PFKFB4: variants seen among roughly 807,000 people sequenced by gnomAD.
PFKFB4 encodes 6-phosphofructo-2-kinase/fructose-2,6-biphosphatase 4, also known as 6-phosphofructo-2-kinase/fructose-2,6-bisphosphatase 4.
PFKFB4 carries 42 observed loss-of-function variants against 62.8 expected under a neutral mutation model. That is an observed-to-expected ratio of 0.67 (90% CI 0.52 to 0.86). The LOEUF is 0.86. Among genes scored for constraint, PFKFB4 ranks in the 40% least tolerant of loss-of-function variants. The pLI, the probability that PFKFB4 is intolerant of heterozygous loss-of-function variation, is 0.00. For missense variants in PFKFB4, 475 were observed against 627.2 expected, an observed-to-expected ratio of 0.76 and a Z score of 2.59; for synonymous variants, 204 against 240.7, an observed-to-expected ratio of 0.85 and a Z score of 1.41.
intron 9 of PFKFB4, among the ~76,000 whole-genome samples, chr3:48,526,425 T>C (rs1012030572): frequency 6.7e-6 from 1 of 150,080 alleles, no homozygotes. Flanking sequence ...ATACAAAAAT[T>C]AGTTGGGCGT....
intron 9 of PFKFB4, among the ~76,000 whole-genome samples, chr3:48,531,653 T>C (rs1006860944): frequency 1.3e-5 from 2 of 150,062 alleles, no homozygotes; most frequent in African/African-American, 4.9e-5. Context: ...TTTAGCTGGG[T>C]ATGGTGATGT....
At chr3:48,558,388 G>A (rs1294643784), upstream of PFKFB4, among the ~76,000 whole-genome samples, 4 of 152,192 alleles carry the variant, frequency 2.6e-5, no homozygotes, top group Admixed American at 2.6e-4. Flanking sequence ...GCATCCTCAG[G>A]TTCTCTCTGC....
intron 9 of PFKFB4, among the ~76,000 whole-genome samples, chr3:48,526,451 T>C (rs1031901433): frequency 6.6e-6 from 1 of 151,082 alleles, no homozygotes; most frequent in African/African-American, 2.4e-5. Context: ...CGCACGCCTG[T>C]AGTCCCAGCT....
chr3:48,533,824 A>G (rs1422780826), intron 9 of PFKFB4, among the ~76,000 whole-genome samples: 1 of 152,220 alleles, frequency 6.6e-6, no homozygotes, highest in African/African-American at 2.4e-5. Context: ...ATTGCACTCC[A>G]GCCTGGACAA....
chr3:48,544,441 C>CTTT (rs34817026), intron 3 of PFKFB4, among the ~76,000 whole-genome samples: 88 of 100,390 alleles, frequency 8.8e-4, no homozygotes, highest in Non-Finnish European at 1.1e-3. Flanking sequence ...GTTTTCAGAT[C>CTTT]TTTTTTTTTT....
At chr3:48,551,662 A>G (rs895314852) in intron 1 of PFKFB4, among the ~76,000 whole-genome samples, 3 of 147,194 alleles carry the variant, frequency 2.0e-5, no homozygotes, top group African/African-American at 7.6e-5. Flanking sequence ...CTCGTGCCTC[A>G]GCCTCTCAAG....
chr3:48,550,315 G>C, intron 1 of PFKFB4, 81 bp from the exon 2 acceptor site: 1 of 888,674 alleles, frequency 1.1e-6, no homozygotes, highest in Non-Finnish European at 1.9e-6. Flanking sequence ...TGGTCTCTCA[G>C]CCTCAGGGCA....
At chr3:48,557,386 C>T (rs1051196593), upstream of PFKFB4, among the ~76,000 whole-genome samples, 1 of 152,246 alleles carries the variant, frequency 6.6e-6, no homozygotes, top group African/African-American at 2.4e-5. Context: ...TCGGGGTCCC[C>T]CTTGACTGCT....
chr3:48,552,206 G>C (rs980315454), intron 1 of PFKFB4, among the ~76,000 whole-genome samples: 1 of 152,250 alleles, frequency 6.6e-6, no homozygotes, highest in East Asian at 1.9e-4. Flanking sequence ...TGCTATCCAA[G>C]AGCCTGGGCA....
chr3:48,556,179 T>C lies in PFKFB4; in HGVS notation c.97+502A>G. 1 of 458,128 alleles carries C rather than the reference T, an allele frequency of 2.2e-6. No individual in the cohort carries two copies. The highest frequency in any genetic ancestry group is 4.4e-6 in the Non-Finnish European group (1 of 227,978). The allele number at this position is 458,128 out of a possible 1,614,324, so 28.4% of individuals were successfully genotyped here. ...TGAAGTTCCTGCCCAAGCTCAGCTT[T>C]AAGGCCAAGAGGCACCCTTCCTCCT... On this transcript the variant is annotated intron_variant, in intron 1 of 13. Coordinates refer to ENST00000232375, the MANE Select transcript of PFKFB4 (RefSeq NM_004567.4). This position sits in a 1 kb window ranked among gnomAD's most constrained non-coding sequence, Gnocchi z 5.7.
Position 48,535,665 on chromosome 3 carries a change from T to C in PFKFB4, c.841-7A>G. 9 of 1,614,092 alleles carry C rather than the reference T, an allele frequency of 5.6e-6. No individual in the cohort carries two copies. The highest frequency in any genetic ancestry group is 1.1e-5 in the South Asian group (1 of 91,072). Reference sequence around the variant, plus strand: ...GGGCTAGACTCTTGGCAAACTGAAATACATCATAAGCAAACTCAGACCCAC... The same window carrying C: ...GGGCTAGACTCTTGGCAAACTGAAACACATCATAAGCAAACTCAGACCCAC... On this transcript the variant is annotated splice_region_variant and splice_polypyrimidine_tract_variant and intron_variant, in intron 8 of 13. Coordinates refer to ENST00000232375, the MANE Select transcript of PFKFB4 (RefSeq NM_004567.4).
At chr3:48,554,799 C>T (rs1460153692) in intron 1 of PFKFB4, among the ~76,000 whole-genome samples, 1 of 152,166 alleles carries the variant, frequency 6.6e-6, no homozygotes, top group Non-Finnish European at 1.5e-5. Flanking sequence ...TGCCTGTAAT[C>T]CCAACACTTT....
intron 3 of PFKFB4, among the ~76,000 whole-genome samples, chr3:48,546,648 C>T (rs937759318): frequency 6.6e-6 from 1 of 152,232 alleles, no homozygotes; most frequent in Non-Finnish European, 1.5e-5. Flanking sequence ...GGTTGGGGAA[C>T]TTGATGGTAA....
Position 48,549,846 on chromosome 3 carries a change from C to G in PFKFB4, c.311+18G>C. 1 of 1,504,802 alleles carries G rather than the reference C, an allele frequency of 6.6e-7. No homozygotes were observed. The highest frequency in any genetic ancestry group is 1.4e-5 in the African/African-American group (1 of 72,874). 93.2% of individuals were successfully genotyped at this position (1,504,802 alleles called of 1,614,324 possible). A position where few individuals can be genotyped will look rare whatever the true frequency, so the allele number is the denominator to read the frequency against. ...TCCCCCAGCAACCTCTCCCCCCACA[C>G]CCAACACATATACTTACTTCCTGAT... On this transcript the variant is annotated intron_variant, in intron 3 of 13. Transcript: ENST00000232375.
chr3:48,541,784 G>C (rs1371241338), intron 4 of PFKFB4, among the ~76,000 whole-genome samples: 2 of 152,122 alleles, frequency 1.3e-5, no homozygotes, highest in Admixed American at 1.3e-4. Flanking sequence ...TGCTCAACAA[G>C]GTGAAACCCT....
chr3:48,536,113 T>C (rs2042599226), intron 8 of PFKFB4, 143 bp downstream of exon 8: 1 of 690,616 alleles, frequency 1.4e-6, no homozygotes, highest in African/African-American at 1.8e-5. Flanking sequence ...ATGGGAAGAT[T>C]CTAGGTTGAA....
intron 3 of PFKFB4, among the ~76,000 whole-genome samples, chr3:48,545,579 G>A (rs1016742309): frequency 1.3e-5 from 2 of 152,094 alleles, no homozygotes; most frequent in Admixed American, 1.3e-4. Flanking sequence ...CTGAGTCCAG[G>A]GCACTGAAAA....
At chr3:48,555,498 C>T (rs1409058449) in intron 1 of PFKFB4, among the ~76,000 whole-genome samples, 1 of 152,230 alleles carries the variant, frequency 6.6e-6, no homozygotes, top group East Asian at 1.9e-4. Flanking sequence ...ATCTCCTGAT[C>T]TCCATTTCAC....
intron 2 of PFKFB4, 32 bp downstream of exon 2, chr3:48,550,086 G>C (rs777991832): frequency 2.0e-6 from 3 of 1,512,780 alleles, no homozygotes; most frequent in Non-Finnish European, 9.2e-7. Flanking sequence ...GCCCCACAAA[G>C]CTCCCCTTAG....
Sources: gnomAD v4.1 joint callset for allele counts (sites outside exome capture counted in the v4.1 genomes callset) on GRCh38, gnomAD v4.1.1 for gene constraint, Gnocchi (gnomAD v3.1) non-coding constraint, MANE v1.5 for transcripts, NCBI Gene and HGNC (gene_info 2026-07-23, HGNC 2026-07-21) for gene names.